The following GPR37L1 variants were observed in gnomAD, a reference collection of about 807,000 sequenced individuals.
GPR37L1 encodes the protein G protein-coupled receptor 37 like 1.
GPR37L1 carries 18 observed loss-of-function variants against 18.0 expected under a neutral mutation model. That is an observed-to-expected ratio of 1.00 (90% CI 0.69 to 1.49). The LOEUF (loss-of-function observed/expected upper bound fraction) is 1.49, where lower values mean the gene tolerates loss of function less well. Ranked by LOEUF, GPR37L1 falls within the 40% of genes most tolerant of loss-of-function variation. The probability of loss-of-function intolerance (pLI) is 0.00; values close to 1 mark genes in which losing one functional copy is unlikely to be tolerated. For missense variants in GPR37L1, 558 were observed against 615.1 expected, an observed-to-expected ratio of 0.91 and a Z score of 0.98; for synonymous variants, 256 against 273.9, an observed-to-expected ratio of 0.93 and a Z score of 0.65.
At position 202,128,835 on chromosome 1, in the gene GPR37L1, A is replaced by T. The variant is rs1388048010; in HGVS notation, c.*279A>T. The T allele has an allele frequency of 6.0e-6, 2 of 331,868 alleles. No homozygotes were observed. The highest frequency in any genetic ancestry group is 1.1e-5 in the Non-Finnish European group (2 of 182,278). The allele number at this position is 331,868 out of a possible 1,614,324, so 20.6% of individuals were successfully genotyped here. A position where few individuals can be genotyped will look rare whatever the true frequency, so the allele number is the denominator to read the frequency against. ...TGAGTCCCAGCAGCTGGGAGCCAGA[A>T]CTTTGCCTGCCCTCCCTTGGTTCCA... On this transcript the variant is annotated 3_prime_UTR_variant, in exon 2 of 2. Transcript: ENST00000367282.
Position 202,131,183 on chromosome 1 carries a change from G to A in GPR37L1, c.*2627G>A, listed in dbSNP as rs6657770. On this transcript the variant is annotated 3_prime_UTR_variant, in exon 2 of 2. Coordinates refer to ENST00000367282, the MANE Select transcript of GPR37L1 (RefSeq NM_004767.5). Reference sequence around the variant, plus strand: ...TGAGGGGGCACTGACACGCTCACCCGAGGGCAGACTTCAGACCAGCCCTCA... The same window carrying A: ...TGAGGGGGCACTGACACGCTCACCCAAGGGCAGACTTCAGACCAGCCCTCA... 0.75 allele frequency: 113,515 copies of A among 152,094 alleles called. 44,096 individuals are homozygous for A. Among genetic ancestry groups the A allele is most frequent in the South Asian group, 0.85 (4,083 of 4,826 alleles). The allele number at this position is 152,094 out of a possible 1,614,324, so 9.4% of individuals were successfully genotyped here. A position where few individuals can be genotyped will look rare whatever the true frequency, so the allele number is the denominator to read the frequency against.
Position 202,128,220 on chromosome 1 carries a change from C to A in GPR37L1, c.1110C>A (p.Phe370Leu). Residue 370 changes from phenylalanine to leucine, a missense_variant, in exon 2 of 2, where the codon TTC becomes TTA. Transcript: ENST00000367282. Reference sequence around the variant, plus strand: ...TGGGCCTGACCGTGGTCTACGCCTTCTGCACCCTCCCAGAGAACGTCTGCA... The same window carrying A: ...TGGGCCTGACCGTGGTCTACGCCTTATGCACCCTCCCAGAGAACGTCTGCA... The part of the protein sequence containing the change: ...TVVGLTVVYA[F>L]CTLPENVCNI... 9 of 1,613,996 alleles carry A rather than the reference C, an allele frequency of 5.6e-6. No homozygotes were observed. The highest frequency in any genetic ancestry group is 7.6e-6 in the Non-Finnish European group (9 of 1,180,030).
At chr1:202,126,309 G>A (rs151137082) in intron 1 of GPR37L1, among the ~76,000 whole-genome samples, 8,706 of 152,106 alleles carry the variant, frequency 0.057, 433 homozygotes, top group African/African-American at 0.13. Flanking sequence ...TCGGGAGGCT[G>A]AGGCAGGAGA....
At chr1:202,127,439 C>T (rs900298072) in intron 1 of GPR37L1, among the ~76,000 whole-genome samples, 3 of 151,992 alleles carry the variant, frequency 2.0e-5, no homozygotes, top group African/African-American at 7.3e-5. Flanking sequence ...CTAAGTTTCC[C>T]GAGTAGTTGG....
At position 202,127,989 on chromosome 1, in the gene GPR37L1, C is replaced by A. The variant is rs200559622; in HGVS notation, c.879C>A (p.Ser293Arg). ...LDSCIMKPSA[S>R]LPESLYSLVM... Reference sequence around the variant, plus strand: ...CATGCATCATGAAACCCTCAGCCAGCCTGCCCGAGTCCCTGTATTCACTGG... The same window carrying A: ...CATGCATCATGAAACCCTCAGCCAGACTGCCCGAGTCCCTGTATTCACTGG... The change falls in exon 2 of 2, where the codon AGC becomes AGA. Residue 293 changes from serine (S) to arginine (R), a missense_variant. Ser to Arg is a moderately radical substitution (Grantham distance 110). Transcript: ENST00000367282. 6.2e-6 allele frequency: 10 copies of A among 1,614,178 alleles called. No homozygotes were observed. In the Admixed American group the frequency reaches 1.5e-4, roughly 24 times the overall value.
intron 1 of GPR37L1, among the ~76,000 whole-genome samples, chr1:202,124,692 C>T (rs776829554): frequency 9.9e-5 from 15 of 152,168 alleles, no homozygotes; most frequent in Non-Finnish European, 1.8e-4. Flanking sequence ...CGGAGAAGGG[C>T]TCAGGATCAG....
rs965708636 is a variant in GPR37L1 at position 202,128,780 on chromosome 1, T to G, written c.*224T>G. On this transcript the variant is annotated 3_prime_UTR_variant, in exon 2 of 2. Transcript: ENST00000367282. ...CCTTTCCACTGGTGGGCGGTGATGC[T>G]TCTAGGTCCTTAGAACTGCCCAGAA... The G allele has an allele frequency of 4.0e-6, 2 of 502,424 alleles. No individual in the cohort carries two copies. The highest frequency in any genetic ancestry group is 7.0e-6 in the Non-Finnish European group (2 of 284,060). 31.1% of individuals were successfully genotyped at this position (502,424 alleles called of 1,614,324 possible).
At position 202,133,479 on chromosome 1, in the gene GPR37L1, A is replaced by T. The variant is rs1654918835; in HGVS notation, c.*4923A>T. 6.6e-6 allele frequency: 1 copy of T among 152,246 alleles called. No individual in the cohort carries two copies. Among genetic ancestry groups the T allele is most frequent in the Admixed American group, 6.5e-5 (1 of 15,290 alleles). The allele number at this position is 152,246 out of a possible 1,614,324, so 9.4% of individuals were successfully genotyped here. A position where few individuals can be genotyped will look rare whatever the true frequency, so the allele number is the denominator to read the frequency against. On this transcript the variant is annotated 3_prime_UTR_variant, in exon 2 of 2. Transcript: ENST00000367282. ...AGCAAAAAAATGTACAGTTACAAGAATCATTTTCCAAACAGAGGTTAAATA... is the reference window on the plus strand; with the variant it reads ...AGCAAAAAAATGTACAGTTACAAGATTCATTTTCCAAACAGAGGTTAAATA...
chr1:202,128,571 TGGGG>T lies in GPR37L1; in HGVS notation c.*16_*19del. 1 of 1,141,276 alleles carries T rather than the reference TGGGG, an allele frequency of 8.8e-7. No individual in the cohort carries two copies. Among genetic ancestry groups the T allele is most frequent in the Non-Finnish European group, 1.2e-6 (1 of 802,794 alleles). 70.7% of individuals were successfully genotyped at this position (1,141,276 alleles called of 1,614,324 possible). ...CACCTTGCTGAGGCCCCAGTAGGGG[TGGGG>T]AGGGAGGGAGAGGCCGCCACCCCCG... On this transcript the variant is annotated 3_prime_UTR_variant, in exon 2 of 2. Transcript: ENST00000367282.
In GPR37L1 at chr1:202,132,006, G is replaced by T. The variant is rs74136743; in HGVS notation, c.*3450G>T. 2,167 of 152,318 alleles carry T rather than the reference G, an allele frequency of 0.014. 53 individuals are homozygous for T. The highest frequency in any genetic ancestry group is 0.05 in the African/African-American group (2,060 of 41,536). 9.4% of individuals were successfully genotyped at this position (152,318 alleles called of 1,614,324 possible). A position where few individuals can be genotyped will look rare whatever the true frequency, so the allele number is the denominator to read the frequency against. On this transcript the variant is annotated 3_prime_UTR_variant, in exon 2 of 2. Coordinates refer to ENST00000367282, the MANE Select transcript of GPR37L1 (RefSeq NM_004767.5). ...CTACCTCGGGCTCCCAAAGTACTGG[G>T]ATTACAGGCATGAGCACCTGGCCCC...
At chr1:202,124,819 C>G (rs1654613652) in intron 1 of GPR37L1, among the ~76,000 whole-genome samples, 1 of 152,146 alleles carries the variant, frequency 6.6e-6, no homozygotes, top group African/African-American at 2.4e-5. Flanking sequence ...CTTTCCTGTC[C>G]TTCCCAACCC....
rs982304816 is a variant in GPR37L1 at position 202,132,198 on chromosome 1, G to A, written c.*3642G>A. The A allele has an allele frequency of 2.0e-5, 3 of 152,268 alleles. No individual in the cohort carries two copies. Among genetic ancestry groups the A allele is most frequent in the African/African-American group, 7.2e-5 (3 of 41,462 alleles). The allele number at this position is 152,268 out of a possible 1,614,324, so 9.4% of individuals were successfully genotyped here. ...TTGGCCTGGAAACAGCCCCAGATGAGTGAGATTGCTGGTCCTCTCCCGGGA... is the reference window on the plus strand; with the variant it reads ...TTGGCCTGGAAACAGCCCCAGATGAATGAGATTGCTGGTCCTCTCCCGGGA... On this transcript the variant is annotated 3_prime_UTR_variant, in exon 2 of 2. Transcript: ENST00000367282.
chr1:202,125,377 GATA>G (rs1336924156), intron 1 of GPR37L1, among the ~76,000 whole-genome samples: 1 of 151,984 alleles, frequency 6.6e-6, no homozygotes, highest in African/African-American at 2.4e-5. Flanking sequence ...GTAAATTGGG[GATA>G]ATAATAATAA....
rs1416547590 is a variant in GPR37L1 at position 202,127,812 on chromosome 1, C to G, written c.702C>G (p.Ser234Arg). 1 of 1,612,788 alleles carries G rather than the reference C, an allele frequency of 6.2e-7. No homozygotes were observed. Among genetic ancestry groups the G allele is most frequent in the African/African-American group, 1.3e-5 (1 of 74,898 alleles). The change falls in exon 2 of 2, where the codon AGC (serine) becomes AGG (arginine). Residue 234 changes from serine to arginine, a missense_variant. Ser to Arg is a moderately radical substitution (Grantham distance 110). Transcript: ENST00000367282. ...LGIDRFHVATSTLPKVRPIER... is the reference protein window; with the variant it reads ...LGIDRFHVATRTLPKVRPIER... ...TTGACCGCTTCCACGTGGCCACCAGCACCCTGCCCAAGGTGAGGCCCATCG... is the reference window on the plus strand; with the variant it reads ...TTGACCGCTTCCACGTGGCCACCAGGACCCTGCCCAAGGTGAGGCCCATCG...
chr1:202,131,752 T>A lies in GPR37L1; in HGVS notation c.*3196T>A, dbSNP rs956622696. The A allele has an allele frequency of 6.6e-6, 1 of 152,022 alleles. No homozygotes were observed. The highest frequency in any genetic ancestry group is 1.5e-5 in the Non-Finnish European group (1 of 68,012). The allele number at this position is 152,022 out of a possible 1,614,324, so 9.4% of individuals were successfully genotyped here. The stretch of plus-strand genomic sequence containing the variant: ...CATGCCTGGCTGAACACTTTTTTTT[T>A]TTTGAGACAAGATCCCACTCAGTCA... On this transcript the variant is annotated 3_prime_UTR_variant, in exon 2 of 2. Coordinates refer to ENST00000367282, the MANE Select transcript of GPR37L1 (RefSeq NM_004767.5).
rs746499872 is a variant in GPR37L1 at position 202,128,116 on chromosome 1, C to G, written c.1006C>G (p.Arg336Gly). The change falls in exon 2 of 2, where the codon CGA becomes GGA. Residue 336 changes from arginine (R) to glycine (G), a missense_variant. By Grantham distance (125) the Arg-to-Gly change is moderately radical (BLOSUM62 -2). Coordinates refer to ENST00000367282, the MANE Select transcript of GPR37L1 (RefSeq NM_004767.5). ...CTGCCAGCTGGTGACATGGCGGGTG[C>G]GAGGCCCTCCAGGGAGGAAGTCAGA... ...VTCQLVTWRV[R>G]GPPGRKSECR... is the part of the protein sequence containing the mutation. 6.2e-7 allele frequency: 1 copy of G among 1,613,892 alleles called. No individual in the cohort carries two copies. The highest frequency in any genetic ancestry group is 1.3e-5 in the African/African-American group (1 of 75,030).
Position 202,130,761 on chromosome 1 carries a change from C to T in GPR37L1, c.*2205C>T, listed in dbSNP as rs1390827950. 1 of 152,448 alleles carries T rather than the reference C, an allele frequency of 6.6e-6. No individual in the cohort carries two copies. 9.4% of individuals were successfully genotyped at this position (152,448 alleles called of 1,614,324 possible). On this transcript the variant is annotated 3_prime_UTR_variant, in exon 2 of 2. Transcript: ENST00000367282. ...TTTCCCCAACTCCTTCTCCACCCCCCTGCCAGGCCCGGAAGTACCACCAGC... is the reference window on the plus strand; with the variant it reads ...TTTCCCCAACTCCTTCTCCACCCCCTTGCCAGGCCCGGAAGTACCACCAGC...
chr1:202,123,420 T>G lies in GPR37L1; in HGVS notation c.457T>G (p.Cys153Gly). Residue 153 changes from cysteine to glycine, a missense_variant, in exon 1 of 2, where the codon TGC becomes GGC. Transcript: ENST00000367282. ...CATTGTGGGCAACCTGTCGGTCATG[T>G]GCATCGTGTGGCACAGCTACTACCT... ...VGIVGNLSVM[C>G]IVWHSYYLKS... 1 of 1,614,168 alleles carries G rather than the reference T, an allele frequency of 6.2e-7. No homozygotes were observed. The highest frequency in any genetic ancestry group is 8.5e-7 in the Non-Finnish European group (1 of 1,180,020).
rs1403537872 is a variant in GPR37L1 at position 202,126,840 on chromosome 1, T to TGC, written c.631-900_631-899insCG. Among the ~76,000 whole-genome samples the TGC allele has an allele frequency of 9.9e-4, 142 of 142,912 alleles. 1 individual carries two copies. Among genetic ancestry groups the TGC allele is most frequent in the African/African-American group, 3.8e-3 (130 of 34,618 alleles). The allele number at this position is 142,912 out of a possible 152,430, so 93.8% of individuals were successfully genotyped here. ...ACAGGGCCAGGAGCAGAAACGTGCG[T>TGC]GTGTGTGTGTGTGTGTGTGTGTGTG... On this transcript the variant is annotated intron_variant, in intron 1 of 1. Coordinates refer to ENST00000367282, the MANE Select transcript of GPR37L1 (RefSeq NM_004767.5).
Sources: gnomAD v4.1 joint callset for allele counts (sites outside exome capture counted in the v4.1 genomes callset) on GRCh38, gnomAD v4.1.1 for gene constraint, MANE v1.5 for transcripts, NCBI Gene and HGNC (gene_info 2026-07-23, HGNC 2026-07-21) for gene names.